Variants in PCDHA6 observed in about 807,000 individuals in gnomAD.
PCDHA6 encodes the protein protocadherin alpha 6.
PCDHA6 carries 55 observed loss-of-function variants against 60.3 expected under a neutral mutation model. That is an observed-to-expected ratio of 0.91 (90% CI 0.73 to 1.14). The LOEUF is 1.14. PCDHA6 is among the 50% of genes most tolerant of loss of function. The probability of loss-of-function intolerance (pLI) is 0.00; values close to 1 mark genes in which losing one functional copy is unlikely to be tolerated. For missense variants in PCDHA6, 1,327 were observed against 1,256.5 expected, an observed-to-expected ratio of 1.06 and a Z score of -0.85; for synonymous variants, 652 against 557.9, an observed-to-expected ratio of 1.17 and a Z score of -2.38.
chr5:140,869,504 C>A (rs959374162), intron 1 of PCDHA6: 5 of 1,614,200 alleles, frequency 3.1e-6, no homozygotes, highest in Non-Finnish European at 4.2e-6. Flanking sequence ...CCGGTGTTCT[C>A]GCTCAGAGAA....
In PCDHA6 at chr5:140,829,079, A is replaced by G. The variant is rs1770100550; in HGVS notation, c.988A>G (p.Met330Val). 1 of 1,611,828 alleles carries G rather than the reference A, an allele frequency of 6.2e-7. No homozygotes were observed. The highest frequency in any genetic ancestry group is 1.1e-5 in the South Asian group (1 of 91,050). Residue 330 changes from methionine to valine, a missense_variant, in exon 1 of 4, where the codon ATG becomes GTG. Coordinates refer to ENST00000529310, the MANE Select transcript of PCDHA6 (RefSeq NM_018909.4). ...IDATDKGHPP[M>V]AGHCTVLVRI... ...CGCCACGGACAAAGGCCATCCTCCC[A>G]TGGCGGGTCATTGCACCGTTTTAGT...
chr5:140,869,407 T>G, intron 1 of PCDHA6: 4 of 1,614,120 alleles, frequency 2.5e-6, no homozygotes, highest in African/African-American at 1.3e-5. Context: ...GAGCGCGGAG[T>G]GCAGCATCCA....
At chr5:140,974,083 T>C (rs1345131685) in intron 1 of PCDHA6, among the ~76,000 whole-genome samples, 1 of 152,236 alleles carries the variant, frequency 6.6e-6, no homozygotes, top group Non-Finnish European at 1.5e-5. Flanking sequence ...AACCATGACT[T>C]CAAAAATCAA....
At chr5:140,970,810 A>G (rs2096434442) in intron 1 of PCDHA6, among the ~76,000 whole-genome samples, 1 of 152,138 alleles carries the variant, frequency 6.6e-6, no homozygotes. Flanking sequence ...TTACATTTCA[A>G]GTTCATGGTA....
At chr5:140,938,427 T>G (rs992312670) in intron 1 of PCDHA6, among the ~76,000 whole-genome samples, 3 of 152,206 alleles carry the variant, frequency 2.0e-5, no homozygotes, top group African/African-American at 7.2e-5. Flanking sequence ...GCAAAAATCC[T>G]TTATCAGATT....
intron 1 of PCDHA6, chr5:140,927,757 A>G (rs957906084): frequency 3.2e-5 from 51 of 1,614,028 alleles, no homozygotes; most frequent in Admixed American, 1.0e-4. Flanking sequence ...CGTGCACCCT[A>G]AAAGTGGGGA....
At chr5:140,954,427 C>T (rs545024696) in intron 1 of PCDHA6, among the ~76,000 whole-genome samples, 1 of 152,200 alleles carries the variant, frequency 6.6e-6, no homozygotes, top group Admixed American at 6.5e-5. Context: ...CCTTTTTCTC[C>T]ATCTGTTGTT....
intron 3 of PCDHA6, among the ~76,000 whole-genome samples, chr5:140,987,781 A>G (rs2097267961): frequency 6.6e-6 from 1 of 152,208 alleles, no homozygotes; most frequent in East Asian, 1.9e-4. Context: ...AGAATCTGCT[A>G]TAGAGAAGAT....
chr5:141,000,304 G>A (rs1225893261), intron 3 of PCDHA6, among the ~76,000 whole-genome samples: 1 of 147,530 alleles, frequency 6.8e-6, no homozygotes, highest in Non-Finnish European at 1.5e-5. Context: ...GAGGCCAGGA[G>A]TTCAAGACCA....
intron 1 of PCDHA6, among the ~76,000 whole-genome samples, chr5:140,910,128 T>C (rs2074896985): frequency 6.6e-6 from 1 of 152,238 alleles, no homozygotes; most frequent in African/African-American, 2.4e-5. Flanking sequence ...GTCTGTAAAC[T>C]GGTTTAAGTC....
At chr5:140,881,347 C>T in intron 1 of PCDHA6, 1 of 985,212 alleles carries the variant, frequency 1.0e-6, no homozygotes, top group Non-Finnish European at 1.2e-6. Context: ...ATTCGGGCTA[C>T]AATGCGTGGC....
chr5:140,981,252 T>C (rs1482350756), intron 2 of PCDHA6, among the ~76,000 whole-genome samples: 1 of 152,240 alleles, frequency 6.6e-6, no homozygotes, highest in African/African-American at 2.4e-5. Context: ...GAAATTTAAC[T>C]TTCAAGATAA....
rs1554132175 is a variant in PCDHA6, at chr5:140,829,710, C to T, written c.1619C>T (p.Ala540Val). ...CAGTTTCAGGTGAGCGCGCGCGACG[C>T]GGGCGTGCCGCCTCTGGGCAGCAAC... ...LLQFQVSARD[A>V]GVPPLGSNVT... Residue 540 changes from alanine to valine, a missense_variant, in exon 1 of 4, where the codon GCG becomes GTG. Coordinates refer to ENST00000529310, the MANE Select transcript of PCDHA6 (RefSeq NM_018909.4). 2 of 1,613,312 alleles carry T rather than the reference C, an allele frequency of 1.2e-6. No individual in the cohort carries two copies. The highest frequency in any genetic ancestry group is 2.7e-5 in the African/African-American group (2 of 74,926).
intron 3 of PCDHA6, among the ~76,000 whole-genome samples, chr5:140,996,923 A>G (rs1385919756): frequency 6.6e-6 from 1 of 152,230 alleles, no homozygotes; most frequent in Non-Finnish European, 1.5e-5. Flanking sequence ...ATATTAAAAA[A>G]TATAGCATTT....
chr5:140,918,625 C>T (rs1365715302), intron 1 of PCDHA6, among the ~76,000 whole-genome samples: 2 of 152,086 alleles, frequency 1.3e-5, no homozygotes, highest in Non-Finnish European at 2.9e-5. Context: ...TTTGTGTTCC[C>T]CAAATTCATA....
At chr5:140,949,405 AC>A (rs1554218939) in intron 1 of PCDHA6, among the ~76,000 whole-genome samples, 1 of 151,820 alleles carries the variant, frequency 6.6e-6, no homozygotes, top group African/African-American at 2.4e-5. Flanking sequence ...GTTAAAAATC[AC>A]CTATCATCAT....
intron 1 of PCDHA6, among the ~76,000 whole-genome samples, chr5:140,937,928 G>T (rs997116789): frequency 4.0e-5 from 6 of 148,604 alleles, no homozygotes; most frequent in Non-Finnish European, 8.9e-5. Context: ...AAAAAAAAAA[G>T]TTTAATTTGA....
chr5:140,855,741 A>C, intron 1 of PCDHA6: 2 of 313,634 alleles, frequency 6.4e-6, no homozygotes, highest in Non-Finnish European at 5.9e-6. Flanking sequence ...AAGAGACGTA[A>C]TGTGAGGCTT....
chr5:140,868,027 G>T (rs2050246308), intron 1 of PCDHA6: 1 of 151,988 alleles, frequency 6.6e-6, no homozygotes, highest in African/African-American at 2.4e-5. Context: ...AACCAATGTT[G>T]GTGACTTGGA....
Sources: gnomAD v4.1 joint callset for allele counts (sites outside exome capture counted in the v4.1 genomes callset) on GRCh38, gnomAD v4.1.1 for gene constraint, MANE v1.5 for transcripts, NCBI Gene and HGNC (gene_info 2026-07-23, HGNC 2026-07-21) for gene names.